AACS: variants seen among roughly 807,000 people sequenced by gnomAD.
The protein encoded by AACS is acetoacetate-CoA ligase.
A neutral mutation model predicts 83.1 loss-of-function variants in AACS; 69 were observed. The observed-to-expected ratio is 0.83, with a 90% CI of 0.68 to 1.01. AACS has a LOEUF of 1.01. Ranked by LOEUF, AACS falls within the 50% of genes least tolerant of loss-of-function variation. The pLI, the probability that AACS is intolerant of heterozygous loss-of-function variation, is 0.00. For synonymous variants in AACS, 333 were observed against 343.4 expected (o/e 0.97, Z 0.33); for missense variants, 866 against 882.2 (o/e 0.98, Z 0.23).
At chr12:125,102,376 G>A (rs1432466594) in intron 5 of AACS, 5 of 306,930 alleles carry the variant, frequency 1.6e-5, no homozygotes, top group Non-Finnish European at 2.5e-5. Context: ...TTGGCTACGG[G>A]TGCTGGGGAC....
At chr12:125,072,305 G>A (rs904095352) in intron 1 of AACS, among the ~76,000 whole-genome samples, 1 of 152,010 alleles carries the variant, frequency 6.6e-6, no homozygotes, top group African/African-American at 2.4e-5. Context: ...ATCCCTCCTT[G>A]TCCAACATAA....
At position 125,089,979 on chromosome 12, in the gene AACS, A is replaced by T. The variant is rs899548160; in HGVS notation, c.473-1447A>T. Among the ~76,000 whole-genome samples the T allele has an allele frequency of 6.0e-3, 892 of 149,022 alleles. 11 individuals are homozygous for T. The highest frequency in any genetic ancestry group is 0.021 in the African/African-American group (850 of 40,228). On this transcript the variant is annotated intron_variant, in intron 4 of 17. Coordinates refer to ENST00000316519, the MANE Select transcript of AACS (RefSeq NM_023928.5). ...TTCATCCATGCATCCTCCATTCATC[A>T]TCCCTCATAGATCATCCATCCAACT...
chr12:125,138,243 C>T (rs1311351115), intron 17 of AACS: 3 of 152,328 alleles, frequency 2.0e-5, no homozygotes, highest in African/African-American at 7.2e-5. Context: ...GTGTTGGTTG[C>T]TTTTTGTGGT....
rs1452933419 is a variant in AACS at position 125,094,389 on chromosome 12, G to A, written c.570+2866G>A. On this transcript the variant is annotated intron_variant, in intron 5 of 17. Coordinates refer to ENST00000316519, the MANE Select transcript of AACS (RefSeq NM_023928.5). The surrounding 1 kb of genome is among the most constrained non-coding windows in gnomAD (Gnocchi z 4.1). Reference sequence around the variant, plus strand: ...TCAGAGAATATCGTAAAGGGAAATTGCCACTCTCCTACAAATCCTGTGTTG... The same window carrying A: ...TCAGAGAATATCGTAAAGGGAAATTACCACTCTCCTACAAATCCTGTGTTG... Among the ~76,000 whole-genome samples the A allele has an allele frequency of 6.6e-6, 1 of 152,174 alleles. No individual in the cohort carries two copies. Among genetic ancestry groups the A allele is most frequent in the Admixed American group, 6.5e-5 (1 of 15,278 alleles).
chr12:125,076,623 TGGCGA>T lies in AACS; in HGVS notation c.358+14_358+18del, dbSNP rs1207341463. On this transcript the variant is annotated intron_variant, in intron 3 of 17. Coordinates refer to ENST00000316519, the MANE Select transcript of AACS (RefSeq NM_023928.5). The stretch of plus-strand genomic sequence containing the variant: ...CCTTTACATTGCAAGTAAGTCCTGA[TGGCGA>T]GACCTGGGATTTCCTCCGTGGAAGT... The T allele has an allele frequency of 1.9e-6, 3 of 1,613,658 alleles. No homozygotes were observed. The South Asian group carries it at 3.3e-5, about 18-fold the overall frequency.
intron 7 of AACS, among the ~76,000 whole-genome samples, chr12:125,106,584 G>A (rs1346209240): frequency 6.6e-6 from 1 of 152,218 alleles, no homozygotes; most frequent in East Asian, 1.9e-4. Context: ...TCTGTAGGAA[G>A]GGCTCATTAA....
rs981162104 is a variant in AACS at position 125,065,646 on chromosome 12, C to T, written c.62C>T (p.Pro21Leu). The change falls in exon 1 of 18, where the codon CCT (proline) becomes CTT (leucine). Residue 21 changes from proline to leucine, a missense_variant. Coordinates refer to ENST00000316519, the MANE Select transcript of AACS (RefSeq NM_023928.5). ...CTGGAGTGCCAGGTGATGTGGGAGCCTGACAGTAAGAAGAACACGCAGATG... is the reference window on the plus strand; with the variant it reads ...CTGGAGTGCCAGGTGATGTGGGAGCTTGACAGTAAGAAGAACACGCAGATG... ...EILECQVMWE[P>L]DSKKNTQMDR... The T allele has an allele frequency of 3.2e-6, 5 of 1,546,622 alleles. No individual in the cohort carries two copies. Among genetic ancestry groups the T allele is most frequent in the Non-Finnish European group, 2.6e-6 (3 of 1,145,030 alleles).
rs960563023 is a variant in AACS at position 125,130,930 on chromosome 12, A to T, written c.1549+1470A>T. Among the ~76,000 whole-genome samples the T allele has an allele frequency of 6.6e-6, 1 of 152,224 alleles. No homozygotes were observed. Among genetic ancestry groups the T allele is most frequent in the Non-Finnish European group, 1.5e-5 (1 of 68,052 alleles). ...CAGATAATGAGATCTGAAGCTGTTT[A>T]TCATGGACAAGGTGAACATAGGCTG... is the stretch of plus-strand genomic sequence containing the variant. On this transcript the variant is annotated intron_variant, in intron 14 of 17. Coordinates refer to ENST00000316519, the MANE Select transcript of AACS (RefSeq NM_023928.5). The surrounding 1 kb of genome is among the most constrained non-coding windows in gnomAD (Gnocchi z 4.9).
In AACS at chr12:125,113,228, C is replaced by CT. The variant is rs1353767656; in HGVS notation, c.916-1245dup. ...ATCTCCTGCAACTGGCTTTTGGAAG[C>CT]TTTTCCCTTGGGTATAATGAGGGCC... On this transcript the variant is annotated intron_variant, in intron 8 of 17. Transcript: ENST00000316519. This position sits in a 1 kb window ranked among gnomAD's most constrained non-coding sequence, Gnocchi z 4.8. Among the ~76,000 whole-genome samples the CT allele has an allele frequency of 1.3e-5, 2 of 152,212 alleles. No individual in the cohort carries two copies. The highest frequency in any genetic ancestry group is 2.9e-5 in the Non-Finnish European group (2 of 68,038).
At chr12:125,109,483 A>G (rs1246090349) in intron 8 of AACS, among the ~76,000 whole-genome samples, 1 of 152,132 alleles carries the variant, frequency 6.6e-6, no homozygotes. Flanking sequence ...GTATATACAC[A>G]TGTTGTTATT....
intron 10 of AACS, chr12:125,124,296 AAATAAT>A (rs919548084): frequency 6.0e-6 from 1 of 165,896 alleles, no homozygotes; most frequent in Non-Finnish European, 1.3e-5. Context: ...ACCCTGTCTA[AAATAAT>A]AATAATAATA....
At chr12:125,091,776 C>A (rs547892837) in intron 5 of AACS, among the ~76,000 whole-genome samples, 23 of 152,326 alleles carry the variant, frequency 1.5e-4, no homozygotes, top group African/African-American at 5.3e-4. Context: ...ATGCAGCACC[C>A]AGTGTTGTTA....
intron 14 of AACS, among the ~76,000 whole-genome samples, chr12:125,131,781 C>T (rs189247555): frequency 1.4e-4 from 22 of 151,804 alleles, no homozygotes; most frequent in Admixed American, 6.6e-4. Flanking sequence ...GTATTTTTAG[C>T]GGAGACGGTG....
In AACS at chr12:125,078,729, G is replaced by A. The variant is rs537530460; in HGVS notation, c.358+2118G>A. ...CCAGCTACTCTGGAGGCTGAGGCAG[G>A]AGAATCGCTTGAACCCGGGAGGTGG... On this transcript the variant is annotated intron_variant, in intron 3 of 17. Transcript: ENST00000316519. Among the ~76,000 whole-genome samples the A allele has an allele frequency of 4.0e-5, 6 of 150,146 alleles. No individual in the cohort carries two copies. The South Asian group carries it at 1.1e-3, about 26-fold the overall frequency.
intron 3 of AACS, 57 bp from the exon 4 acceptor site, chr12:125,086,273 T>C: frequency 6.7e-7 from 1 of 1,492,734 alleles, no homozygotes; most frequent in Non-Finnish European, 9.3e-7. Context: ...AGTGTCTGGC[T>C]TGCAACTTTT....
At chr12:125,077,336 C>G (rs931251354) in intron 3 of AACS, among the ~76,000 whole-genome samples, 5 of 151,778 alleles carry the variant, frequency 3.3e-5, no homozygotes, top group Non-Finnish European at 5.9e-5. Flanking sequence ...TGGTGAAACC[C>G]CGTCTCTACT....
rs754863020 is a variant in AACS at position 125,128,290 on chromosome 12, A to C, written c.1423+16A>C. 2 of 1,603,930 alleles carry C rather than the reference A, an allele frequency of 1.2e-6. No individual in the cohort carries two copies. Among genetic ancestry groups the C allele is most frequent in the Admixed American group, 3.4e-5 (2 of 59,442 alleles). ...AACGAGGAAGGTGATGGCTCCACCAACTGTTTCTTTCTGTGATTAGGCGTG... is the reference window on the plus strand; with the variant it reads ...AACGAGGAAGGTGATGGCTCCACCACCTGTTTCTTTCTGTGATTAGGCGTG... On this transcript the variant is annotated intron_variant, in intron 13 of 17. Coordinates refer to ENST00000316519, the MANE Select transcript of AACS (RefSeq NM_023928.5).
intron 3 of AACS, among the ~76,000 whole-genome samples, chr12:125,080,258 A>G (rs1956139098): frequency 6.6e-6 from 1 of 152,152 alleles, no homozygotes; most frequent in African/African-American, 2.4e-5. Context: ...GCTTTAACCC[A>G]ATGTCTCAGA....
chr12:125,084,011 A>G (rs1192055684), intron 3 of AACS, among the ~76,000 whole-genome samples: 4 of 152,158 alleles, frequency 2.6e-5, no homozygotes, highest in African/African-American at 9.7e-5. Context: ...GCATTGCACC[A>G]AATGAAAAAT....
Sources: gnomAD v4.1 joint callset for allele counts (sites outside exome capture counted in the v4.1 genomes callset) on GRCh38, gnomAD v4.1.1 for gene constraint, Gnocchi (gnomAD v3.1) non-coding constraint, MANE v1.5 for transcripts, NCBI Gene and HGNC (gene_info 2026-07-23, HGNC 2026-07-21) for gene names.